The following SPAG9 variants were observed in gnomAD, a reference collection of about 807,000 sequenced individuals.
SPAG9 encodes sperm associated antigen 9, also known as C-Jun-amino-terminal kinase-interacting protein 4.
In SPAG9, 35 loss-of-function variants were observed where a neutral mutation model predicts 166.5. That is an observed-to-expected ratio of 0.21 (90% CI 0.16 to 0.28). SPAG9 has a LOEUF of 0.28. SPAG9 is among the 10% of genes least tolerant of loss of function. The pLI, the probability that SPAG9 is intolerant of heterozygous loss-of-function variation, is 1.00. For missense variants in SPAG9, 1,235 were observed against 1,603.3 expected (o/e 0.77, Z 3.92); for synonymous variants, 534 against 565.5 (o/e 0.94, Z 0.79).
chr17:50,971,360 C>T (rs1455797880), intron 28 of SPAG9, among the ~76,000 whole-genome samples: 2 of 151,144 alleles, frequency 1.3e-5, no homozygotes, highest in Non-Finnish European at 2.9e-5. Context: ...ATTTGAAAAT[C>T]TAAGTAAAGC....
At chr17:51,111,953 G>T (rs576481372) in intron 1 of SPAG9, among the ~76,000 whole-genome samples, 2 of 151,870 alleles carry the variant, frequency 1.3e-5, no homozygotes, top group Non-Finnish European at 2.9e-5. Flanking sequence ...CTACAGCAGG[G>T]ACACATAATG....
At chr17:51,103,752 T>C (rs1315290187) in intron 1 of SPAG9, among the ~76,000 whole-genome samples, 1 of 152,204 alleles carries the variant, frequency 6.6e-6, no homozygotes, top group African/African-American at 2.4e-5. Context: ...GCTTGTGGAA[T>C]GATCTGATCA....
At chr17:51,074,244 A>AAAAAC (rs1326144234) in intron 2 of SPAG9, among the ~76,000 whole-genome samples, 2 of 151,646 alleles carry the variant, frequency 1.3e-5, no homozygotes, top group Admixed American at 6.6e-5. Flanking sequence ...TCAAAAAAAT[A>AAAAAC]AAAACAAAAC....
intron 1 of SPAG9, among the ~76,000 whole-genome samples, chr17:51,085,772 T>C (rs1053609560): frequency 3.3e-5 from 5 of 152,276 alleles, no homozygotes; most frequent in South Asian, 4.1e-4. Context: ...CTTGGAATCA[T>C]AAACTCTTTT....
intron 27 of SPAG9, 97 bp from the exon 28 acceptor site, chr17:50,975,044 T>TAA: frequency 1.7e-6 from 2 of 1,165,010 alleles, no homozygotes. Context: ...ATCTAAAAGC[T>TAA]ACAGCCAGTT....
At position 51,097,528 on chromosome 17, in the gene SPAG9, A is replaced by AC. The variant is rs2048679447; in HGVS notation, c.304-17825_304-17824insG. Among the ~76,000 whole-genome samples the AC allele has an allele frequency of 2.0e-5, 3 of 152,118 alleles. No homozygotes were observed. The South Asian group carries it at 6.2e-4, about 32-fold the overall frequency. ...GACCTTCATCTCATAAAGAAAAAAA[A>AC]TTATGGTATCTACATTATATACACA... On this transcript the variant is annotated intron_variant, in intron 1 of 29. Coordinates refer to ENST00000262013, the MANE Select transcript of SPAG9 (RefSeq NM_001130528.3).
At chr17:50,982,434 A>G in intron 25 of SPAG9, 90 bp downstream of exon 25, 1 of 1,248,820 alleles carries the variant, frequency 8.0e-7, no homozygotes, top group Middle Eastern at 2.0e-4. Context: ...TCCAGAAACA[A>G]TTTCTAAAGA....
chr17:50,967,307 C>T (rs571693586), intron 29 of SPAG9, among the ~76,000 whole-genome samples: 1 of 152,166 alleles, frequency 6.6e-6, no homozygotes, highest in Non-Finnish European at 1.5e-5. Flanking sequence ...AGATATATTC[C>T]ACTGATCTAA....
chr17:50,974,925 T>A lies in SPAG9; in HGVS notation c.3546A>T (p.Pro1182=), dbSNP rs1472071792. Reference sequence around the variant, plus strand: ...GGATTACACTTCCAGGACGATTTCCTGGTACACCTGAGGTTTTATTTGCTG... The same window carrying A: ...GGATTACACTTCCAGGACGATTTCCAGGTACACCTGAGGTTTTATTTGCTG... ...LTETNKTSGV[P]GNRPGSVIRV... The change falls in exon 28 of 30, where the codon CCA becomes CCT. Residue 1182 remains proline, a synonymous_variant. Coordinates refer to ENST00000262013, the MANE Select transcript of SPAG9 (RefSeq NM_001130528.3). 2 of 1,609,976 alleles carry A rather than the reference T, an allele frequency of 1.2e-6. No individual in the cohort carries two copies. Among genetic ancestry groups the A allele is most frequent in the Non-Finnish European group, 8.5e-7 (1 of 1,179,074 alleles).
chr17:51,002,827 A>G (rs1265493531), intron 12 of SPAG9, among the ~76,000 whole-genome samples: 1 of 152,104 alleles, frequency 6.6e-6, no homozygotes, highest in Non-Finnish European at 1.5e-5. Context: ...ACGATGGTCC[A>G]CGCCTATAAT....
Position 51,037,691 on chromosome 17 carries a change from T to TATA in SPAG9, c.741+3809_741+3810insTAT, listed in dbSNP as rs1179792305. ...TATATATATATATATATATAGTGTG[T>TATA]GTGTGTGTGTGTGTGTGTGTGTGTG... On this transcript the variant is annotated intron_variant, in intron 5 of 29. Transcript: ENST00000262013. Among the ~76,000 whole-genome samples, 132 of 90,588 alleles carry TATA rather than the reference T, an allele frequency of 1.5e-3. 3 individuals carry two copies. Among genetic ancestry groups the TATA allele is most frequent in the Admixed American group, 2.7e-3 (22 of 8,144 alleles). The allele number at this position is 90,588 out of a possible 152,430, so 59.4% of individuals were successfully genotyped here. A position where few individuals can be genotyped will look rare whatever the true frequency, so the allele number is the denominator to read the frequency against.
At chr17:50,966,781 G>A (rs932342701) in intron 29 of SPAG9, among the ~76,000 whole-genome samples, 6 of 152,192 alleles carry the variant, frequency 3.9e-5, no homozygotes, top group East Asian at 1.9e-4. Context: ...TATAAAATGC[G>A]TGAGCACAGG....
At chr17:51,109,752 C>T (rs1598199346) in intron 1 of SPAG9, among the ~76,000 whole-genome samples, 1 of 151,852 alleles carries the variant, frequency 6.6e-6, no homozygotes, top group Admixed American at 6.6e-5. Context: ...CACTGTGTTG[C>T]CCAGGCTGGA....
intron 1 of SPAG9, among the ~76,000 whole-genome samples, chr17:51,113,071 C>A (rs1394647654): frequency 6.6e-6 from 1 of 151,778 alleles, no homozygotes; most frequent in Non-Finnish European, 1.5e-5. Flanking sequence ...ATGTTGGCCG[C>A]TGCCGGGCGT....
chr17:51,024,774 G>A (rs901133137), intron 6 of SPAG9, among the ~76,000 whole-genome samples: 18 of 151,734 alleles, frequency 1.2e-4, no homozygotes, highest in African/African-American at 3.2e-4. Context: ...CTACTTCGGA[G>A]GCTGAGGCAC....
Position 50,989,891 on chromosome 17 carries a change from A to G in SPAG9, c.2618-19T>C. 3 of 1,608,860 alleles carry G rather than the reference A, an allele frequency of 1.9e-6. No homozygotes were observed. Among genetic ancestry groups the G allele is most frequent in the Non-Finnish European group, 1.7e-6 (2 of 1,175,342 alleles). ...TCCATTTCTACAAAGTAAATAAAAC[A>G]CTATTCCAAGTCTGGGCTTTTCTCC... is the stretch of plus-strand genomic sequence containing the variant. On this transcript the variant is annotated intron_variant, in intron 20 of 29. Transcript: ENST00000262013.
rs2049455418 is a variant in SPAG9, at chr17:51,120,727, G to C, written c.-71C>G. On this transcript the variant is annotated 5_prime_UTR_variant, in exon 1 of 30. Coordinates refer to ENST00000262013, the MANE Select transcript of SPAG9 (RefSeq NM_001130528.3). This position sits in a 1 kb window ranked among gnomAD's most constrained non-coding sequence, Gnocchi z 4.7. ...GGGCGGCACCTGCCCGCACGGGACGGACCCGACTCGGGCTGGGACGGGTAC... is the reference window on the plus strand; with the variant it reads ...GGGCGGCACCTGCCCGCACGGGACGCACCCGACTCGGGCTGGGACGGGTAC... 7.3e-7 allele frequency: 1 copy of C among 1,373,426 alleles called. No homozygotes were observed. Among genetic ancestry groups the C allele is most frequent in the Non-Finnish European group, 9.8e-7 (1 of 1,020,424 alleles). 85.1% of individuals were successfully genotyped at this position (1,373,426 alleles called of 1,614,324 possible). A position where few individuals can be genotyped will look rare whatever the true frequency, so the allele number is the denominator to read the frequency against.
chr17:50,984,618 G>A (rs1056524017), intron 24 of SPAG9, among the ~76,000 whole-genome samples: 5 of 152,102 alleles, frequency 3.3e-5, no homozygotes, highest in South Asian at 2.1e-4. Flanking sequence ...CCCGGGAGGC[G>A]GAGCTTGCAG....
intron 2 of SPAG9, among the ~76,000 whole-genome samples, chr17:51,063,108 TA>T (rs1388831961): frequency 6.6e-6 from 1 of 152,180 alleles, no homozygotes; most frequent in Non-Finnish European, 1.5e-5. Flanking sequence ...TACTGTTACA[TA>T]TTAGAAACTT....
Sources: allele counts gnomAD v4.1 joint callset (sites outside exome capture counted in the v4.1 genomes callset), GRCh38; gene constraint gnomAD v4.1.1; non-coding constraint Gnocchi (gnomAD v3.1); transcripts MANE v1.5; gene names NCBI Gene and HGNC (gene_info 2026-07-23, HGNC 2026-07-21).